BMPR1B: variants seen among roughly 807,000 people sequenced by gnomAD.
The protein encoded by BMPR1B is bone morphogenetic protein receptor type 1B.
A neutral mutation model predicts 59.1 loss-of-function variants in BMPR1B; 12 were observed. The observed-to-expected ratio is 0.20, with a 90% confidence interval of 0.13 to 0.33. BMPR1B has a LOEUF of 0.33. Among genes scored for constraint, BMPR1B ranks in the 10% least tolerant of loss-of-function variants. The pLI is 1.00. For missense variants in BMPR1B, 550 were observed against 610.9 expected (o/e 0.90, Z 1.05); for synonymous variants, 237 against 207.3 (o/e 1.14, Z -1.23).
At chr4:94,857,500 A>G (rs141322207) in intron 1 of BMPR1B, among the ~76,000 whole-genome samples, 2 of 152,360 alleles carry the variant, frequency 1.3e-5, no homozygotes, top group African/African-American at 2.4e-5. Context: ...TGGCCTTAAA[A>G]TCATGGTTTA....
rs1225196313 is a variant in BMPR1B, at chr4:94,786,787, A to G, written c.-183+28719A>G. 8.6e-5 allele frequency among the ~76,000 whole-genome samples: 13 copies of G among 151,662 alleles called. No homozygotes were observed. In the South Asian group the frequency reaches 2.7e-3, roughly 32 times the overall value. ...TCTTGATCTCCTGACCTCGTGATCC[A>G]CCCGCCTTTGCCTCCCAAAGTGCTG... On this transcript the variant is annotated intron_variant, in intron 1 of 12. Transcript: ENST00000515059.
intron 3 of BMPR1B, among the ~76,000 whole-genome samples, chr4:95,026,252 A>G (rs113506856): frequency 6.7e-4 from 102 of 151,924 alleles, no homozygotes; most frequent in African/African-American, 2.2e-3. Context: ...TTAATCATGT[A>G]TGTGACTTAC....
intron 11 of BMPR1B, among the ~76,000 whole-genome samples, chr4:95,150,972 TA>T (rs1167048030): frequency 2.0e-5 from 3 of 152,232 alleles, no homozygotes; most frequent in Admixed American, 6.5e-5. Context: ...AAGCTCTCAA[TA>T]AGCGATTTTA....
intron 8 of BMPR1B, among the ~76,000 whole-genome samples, chr4:95,127,934 G>A (rs28666440): frequency 0.044 from 6,608 of 151,490 alleles, 241 homozygotes; most frequent in Middle Eastern, 0.099. Flanking sequence ...ACTTAGGCTG[G>A]AGTGTTGTGG....
chr4:95,146,030 G>A (rs1005987064), intron 10 of BMPR1B, among the ~76,000 whole-genome samples: 1 of 152,200 alleles, frequency 6.6e-6, no homozygotes, highest in Non-Finnish European at 1.5e-5. Context: ...AAGACACACT[G>A]CGAATGGAGA....
chr4:94,782,201 C>G (rs1384176044), intron 1 of BMPR1B, among the ~76,000 whole-genome samples: 2 of 151,866 alleles, frequency 1.3e-5, no homozygotes, highest in Non-Finnish European at 2.9e-5. Flanking sequence ...ACCTGTTCTT[C>G]AGGTTGTACT....
chr4:94,792,643 T>C (rs1484754397), intron 1 of BMPR1B, among the ~76,000 whole-genome samples: 1 of 152,212 alleles, frequency 6.6e-6, no homozygotes, highest in Non-Finnish European at 1.5e-5. Flanking sequence ...TCTGGTATCC[T>C]TGTTACTGGT....
At chr4:94,948,046 A>G (rs146089659) in intron 2 of BMPR1B, among the ~76,000 whole-genome samples, 3 of 152,326 alleles carry the variant, frequency 2.0e-5, no homozygotes, top group Admixed American at 6.5e-5. Context: ...TGTGCTTTAC[A>G]TGGGGGAACA....
At chr4:94,963,169 A>G (rs748249060) in intron 2 of BMPR1B, among the ~76,000 whole-genome samples, 15 of 151,894 alleles carry the variant, frequency 9.9e-5, no homozygotes, top group Non-Finnish European at 1.8e-4. Context: ...TAATTGGATT[A>G]TTATCATTAT....
chr4:94,933,989 T>C (rs1306950851), intron 2 of BMPR1B, among the ~76,000 whole-genome samples: 1 of 152,170 alleles, frequency 6.6e-6, no homozygotes, highest in African/African-American at 2.4e-5. Flanking sequence ...TTTCCAACTA[T>C]GTATGGTATG....
chr4:94,841,483 G>A (rs968649695), intron 1 of BMPR1B, among the ~76,000 whole-genome samples: 1 of 152,128 alleles, frequency 6.6e-6, no homozygotes, highest in African/African-American at 2.4e-5. Context: ...TTTTTAAGCC[G>A]GTCGGAAAAG....
chr4:94,939,029 A>G (rs1729417610), intron 2 of BMPR1B, among the ~76,000 whole-genome samples: 2 of 151,834 alleles, frequency 1.3e-5, no homozygotes. Context: ...ATAAACAAAT[A>G]AAAGAAAAAA....
chr4:95,066,289 C>T (rs781339769), intron 3 of BMPR1B, among the ~76,000 whole-genome samples: 6 of 152,192 alleles, frequency 3.9e-5, no homozygotes, highest in Non-Finnish European at 7.3e-5. Flanking sequence ...ACAAGCCCTT[C>T]TCAGATAGGA....
intron 1 of BMPR1B, among the ~76,000 whole-genome samples, chr4:94,786,608 A>G (rs1245172169): frequency 1.3e-5 from 2 of 152,054 alleles, no homozygotes; most frequent in African/African-American, 4.8e-5. Flanking sequence ...GTGCGATCTC[A>G]GCTCACTGCA....
chr4:95,105,799 G>A (rs1053556430), intron 4 of BMPR1B, among the ~76,000 whole-genome samples: 4 of 151,922 alleles, frequency 2.6e-5, no homozygotes, highest in Non-Finnish European at 5.9e-5. Flanking sequence ...TTTTTCCAGG[G>A]AAACACTGCC....
At chr4:94,954,062 A>G (rs1434015448) in intron 2 of BMPR1B, among the ~76,000 whole-genome samples, 1 of 151,798 alleles carries the variant, frequency 6.6e-6, no homozygotes. Flanking sequence ...TTGGCTATTG[A>G]TACTTGTGTA....
intron 3 of BMPR1B, among the ~76,000 whole-genome samples, chr4:95,095,582 G>A (rs560936807): frequency 6.6e-6 from 1 of 152,112 alleles, no homozygotes; most frequent in Admixed American, 6.6e-5. Flanking sequence ...ACAGTGATGA[G>A]AATCAACATT....
chr4:94,881,638 G>A (rs1050357811), intron 2 of BMPR1B, among the ~76,000 whole-genome samples: 2 of 151,882 alleles, frequency 1.3e-5, no homozygotes, highest in African/African-American at 4.8e-5. Context: ...GCTAATTTTT[G>A]TATTTTTAGT....
In BMPR1B at chr4:94,978,764, G is replaced by T. The variant is rs774000194; in HGVS notation, c.-112-17276G>T. Among the ~76,000 whole-genome samples, 55 of 152,274 alleles carry T rather than the reference G, an allele frequency of 3.6e-4. 1 individual carries two copies. The highest frequency in any genetic ancestry group is 7.6e-4 in the Non-Finnish European group (52 of 68,026). On this transcript the variant is annotated intron_variant, in intron 2 of 12. Coordinates refer to ENST00000515059, the MANE Select transcript of BMPR1B (RefSeq NM_001203.3). ...ATGGGAGAGATTGTAGTGGCCATCT[G>T]TATTGGTCTGTTCTCATGCTGCTAA...
Sources: gnomAD v4.1 joint callset for allele counts (sites outside exome capture counted in the v4.1 genomes callset) on GRCh38, gnomAD v4.1.1 for gene constraint, MANE v1.5 for transcripts, NCBI Gene and HGNC (gene_info 2026-07-23, HGNC 2026-07-21) for gene names.